Variants in CCDC7 observed in about 807,000 individuals in gnomAD.
The protein encoded by CCDC7 is coiled-coil domain containing 7.
In CCDC7, 183 loss-of-function variants were observed where a neutral mutation model predicts 196.9. The observed-to-expected ratio is 0.93, with a 90% CI of 0.82 to 1.05. The LOEUF is 1.05. Ranked by LOEUF, CCDC7 falls within the 50% of genes least tolerant of loss-of-function variation. CCDC7 has a pLI of 0.00. For missense variants in CCDC7, 1,540 were observed against 1,482.2 expected (o/e 1.04, Z -0.64); for synonymous variants, 525 against 484.6 (o/e 1.08, Z -1.10).
At position 32,820,281 on chromosome 10, in the gene CCDC7, C is replaced by A. The variant is rs141514680; in HGVS notation, c.3182-4237C>A. Among the ~76,000 whole-genome samples the A allele has an allele frequency of 3.9e-4, 59 of 152,188 alleles. No homozygotes were observed. In the East Asian group the frequency reaches 0.011, roughly 29 times the overall value. On this transcript the variant is annotated intron_variant, in intron 31 of 41. Transcript: ENST00000639629. ...GGACAGGAAGGACCTCTTCAAGGAG[C>A]ACTACAAACTACTGCTCAGTGAAAT...
chr10:32,822,229 A>G (rs1187311268), intron 31 of CCDC7, among the ~76,000 whole-genome samples: 2 of 152,218 alleles, frequency 1.3e-5, no homozygotes, highest in Non-Finnish European at 2.9e-5. Flanking sequence ...GAGAGTATGT[A>G]CAAATATATA....
chr10:32,706,190 GA>G (rs2079718396), intron 24 of CCDC7, among the ~76,000 whole-genome samples: 1 of 152,102 alleles, frequency 6.6e-6, no homozygotes. Flanking sequence ...CAACTATAGG[GA>G]AACTGAACAA....
At chr10:32,879,134 G>C (rs553966448), downstream of CCDC7, among the ~76,000 whole-genome samples, 1 of 152,018 alleles carries the variant, frequency 6.6e-6, no homozygotes, top group South Asian at 2.1e-4. Context: ...TGCCATCGTG[G>C]TTTGCTGCAC....
intron 18 of CCDC7, among the ~76,000 whole-genome samples, chr10:32,585,810 T>C (rs1055452028): frequency 2.0e-5 from 3 of 152,220 alleles, no homozygotes; most frequent in Non-Finnish European, 4.4e-5. Flanking sequence ...GCCTTTGTTA[T>C]TGTGAACAGT....
intron 11 of CCDC7, among the ~76,000 whole-genome samples, chr10:32,529,553 G>T (rs2049296457): frequency 6.6e-6 from 1 of 151,924 alleles, no homozygotes; most frequent in African/African-American, 2.4e-5. Flanking sequence ...ATGTTTATTG[G>T]CCATTTGTAT....
chr10:32,525,260 G>A (rs2048484470), intron 11 of CCDC7, among the ~76,000 whole-genome samples: 1 of 149,852 alleles, frequency 6.7e-6, no homozygotes, highest in African/African-American at 2.5e-5. Flanking sequence ...AAAAAGAAAA[G>A]AAAAAAAAAC....
intron 28 of CCDC7, among the ~76,000 whole-genome samples, chr10:32,748,053 C>T (rs2133368082): frequency 6.6e-6 from 1 of 152,276 alleles, no homozygotes; most frequent in South Asian, 2.1e-4. Context: ...GAACTCATGT[C>T]CTTTGCAGCA....
In CCDC7 at chr10:32,784,958, C is replaced by T. The variant is rs772690474; in HGVS notation, c.3013+5874C>T. Among the ~76,000 whole-genome samples, 18 of 151,938 alleles carry T rather than the reference C, an allele frequency of 1.2e-4. 1 individual carries two copies. The highest frequency in any genetic ancestry group is 1.0e-3 in the South Asian group (5 of 4,800). On this transcript the variant is annotated intron_variant, in intron 29 of 41. Coordinates refer to ENST00000639629, the Ensembl canonical transcript of CCDC7. ...CAGAGGTTGCAGTGAGCAGAGATTGCGCCACTGCACTCCAGCCTGGGAGAG... is the reference window on the plus strand; with the variant it reads ...CAGAGGTTGCAGTGAGCAGAGATTGTGCCACTGCACTCCAGCCTGGGAGAG...
At chr10:32,446,945 TCCTCCCTC>T (rs71027089), upstream of CCDC7, among the ~76,000 whole-genome samples, 58 of 90,112 alleles carry the variant, frequency 6.4e-4, no homozygotes, top group African/African-American at 1.8e-3. Flanking sequence ...CCTCTTCCCT[TCCTCCCTC>T]CCTCCCTCCC....
chr10:32,682,370 TACC>T (rs1213417635), intron 21 of CCDC7, among the ~76,000 whole-genome samples: 4 of 152,362 alleles, frequency 2.6e-5, no homozygotes, highest in African/African-American at 9.6e-5. Flanking sequence ...GGTGTACATG[TACC>T]ACATTTTCTT....
chr10:32,685,946 A>AAGTAGATAAATAC (rs61556967), intron 21 of CCDC7, 24 bp from the exon 23 acceptor site: 1 of 1,298,036 alleles, frequency 7.7e-7, no homozygotes, highest in East Asian at 2.5e-5. Context: ...TATTTAGTGG[A>AAGTAGATAAATAC]ATAAATGTAT....
At chr10:32,827,725 A>G (rs2091351325) in intron 32 of CCDC7, among the ~76,000 whole-genome samples, 1 of 152,178 alleles carries the variant, frequency 6.6e-6, no homozygotes, top group Non-Finnish European at 1.5e-5. Context: ...GCAAACCAGC[A>G]TGGCACATGT....
At chr10:32,796,359 C>G (rs181705375) in intron 29 of CCDC7, among the ~76,000 whole-genome samples, 11 of 152,206 alleles carry the variant, frequency 7.2e-5, no homozygotes, top group South Asian at 2.1e-4. Context: ...TAGTAATCTC[C>G]CACCAACTGT....
chr10:32,699,378 T>C (rs1310554993), intron 24 of CCDC7, among the ~76,000 whole-genome samples: 1 of 152,072 alleles, frequency 6.6e-6, no homozygotes, highest in Non-Finnish European at 1.5e-5. Flanking sequence ...ACAAAGGACA[T>C]GAACTCATCC....
intron 32 of CCDC7, 40 bp downstream of exon 33, chr10:32,824,644 A>G (rs1207459842): frequency 2.9e-6 from 4 of 1,369,634 alleles, no homozygotes; most frequent in Non-Finnish European, 3.1e-6. Context: ...ATGGTTTCCT[A>G]TCTTCTCTGG....
At chr10:32,644,138 T>G (rs183813060) in intron 20 of CCDC7, among the ~76,000 whole-genome samples, 12 of 152,302 alleles carry the variant, frequency 7.9e-5, no homozygotes, top group Non-Finnish European at 1.5e-4. Context: ...ATACATAGTA[T>G]AATGATTGAA....
chr10:32,828,039 G>T (rs2091412691), intron 32 of CCDC7, among the ~76,000 whole-genome samples: 1 of 152,050 alleles, frequency 6.6e-6, no homozygotes, highest in Non-Finnish European at 1.5e-5. Flanking sequence ...CAAAGACCTT[G>T]GCATCCACAA....
intron 18 of CCDC7, among the ~76,000 whole-genome samples, chr10:32,633,943 A>G (rs1458017770): frequency 6.6e-6 from 1 of 151,376 alleles, no homozygotes; most frequent in Middle Eastern, 3.2e-3. Flanking sequence ...TTTTCTGTCT[A>G]TTTCAATATT....
chr10:32,518,810 G>A (rs1024521345), intron 11 of CCDC7, among the ~76,000 whole-genome samples: 1 of 151,992 alleles, frequency 6.6e-6, no homozygotes, highest in Admixed American at 6.6e-5. Flanking sequence ...GCATTTTGTG[G>A]TATTTTCTAC....
Sources: gnomAD v4.1 joint callset for allele counts (sites outside exome capture counted in the v4.1 genomes callset) on GRCh38, gnomAD v4.1.1 for gene constraint, MANE v1.5 for transcripts, NCBI Gene and HGNC (gene_info 2026-07-23, HGNC 2026-07-21) for gene names.